The following CCDC146 variants were observed in gnomAD, a reference collection of about 807,000 sequenced individuals.
CCDC146 encodes coiled-coil domain-containing protein 146.
In CCDC146, 92 loss-of-function variants were observed where a neutral mutation model predicts 119.3. The observed-to-expected ratio is 0.77, with a 90% CI of 0.65 to 0.92. CCDC146 has a LOEUF of 0.92. Among genes scored for constraint, CCDC146 ranks in the 40% least tolerant of loss-of-function variants. CCDC146 has a pLI of 0.00. For missense variants in CCDC146, 1,000 were observed against 1,103.0 expected (o/e 0.91, Z 1.32); for synonymous variants, 372 against 371.8 (o/e 1.00, Z -0.01).
intron 2 of CCDC146, among the ~76,000 whole-genome samples, chr7:77,171,303 A>G (rs948457537): frequency 6.6e-6 from 1 of 152,170 alleles, no homozygotes; most frequent in African/African-American, 2.4e-5. Flanking sequence ...TCATCCTGCT[A>G]ATCCCAAACC....
chr7:77,219,872 G>T (rs1792369287), intron 2 of CCDC146, among the ~76,000 whole-genome samples: 2 of 152,128 alleles, frequency 1.3e-5, no homozygotes, highest in South Asian at 4.1e-4. Flanking sequence ...TGCTTCAAAG[G>T]TAATAAAATA....
chr7:77,157,014 G>A (rs1791188539), intron 1 of CCDC146, among the ~76,000 whole-genome samples: 2 of 134,648 alleles, frequency 1.5e-5, no homozygotes, highest in Non-Finnish European at 3.1e-5. Context: ...TAACATGTTA[G>A]GAAACTAAAA....
At chr7:77,256,084 AAAAT>A (rs1793172754) in intron 5 of CCDC146, among the ~76,000 whole-genome samples, 1 of 147,102 alleles carries the variant, frequency 6.8e-6, no homozygotes, top group Non-Finnish European at 1.5e-5. Flanking sequence ...GAGCACTAAT[AAAAT>A]AATTCAAATA....
intron 2 of CCDC146, among the ~76,000 whole-genome samples, chr7:77,201,650 A>G (rs1791991490): frequency 6.6e-6 from 1 of 152,078 alleles, no homozygotes; most frequent in Non-Finnish European, 1.5e-5. Context: ...TCCCAAATAA[A>G]TTTGTCAAAC....
chr7:77,236,575 G>A (rs1177612894), intron 2 of CCDC146, among the ~76,000 whole-genome samples: 2 of 152,086 alleles, frequency 1.3e-5, no homozygotes, highest in Non-Finnish European at 2.9e-5. Context: ...TCTAATAGCT[G>A]TTCAATAACC....
intron 2 of CCDC146, among the ~76,000 whole-genome samples, chr7:77,212,233 TTAA>T (rs1316717343): frequency 2.0e-5 from 3 of 152,130 alleles, no homozygotes; most frequent in Non-Finnish European, 2.9e-5. Context: ...GGTTTCCTAT[TTAA>T]TAATAAGTTC....
At chr7:77,273,397 G>A (rs1044718066) in intron 9 of CCDC146, among the ~76,000 whole-genome samples, 3 of 152,156 alleles carry the variant, frequency 2.0e-5, no homozygotes, top group Admixed American at 2.0e-4. Flanking sequence ...AATTTGCCAT[G>A]GCTTATAAAG....
At chr7:77,150,454 A>G (rs1428797042) in intron 1 of CCDC146, among the ~76,000 whole-genome samples, 4 of 152,216 alleles carry the variant, frequency 2.6e-5, no homozygotes, top group African/African-American at 9.7e-5. Flanking sequence ...AGTGTATGAA[A>G]AGATATTCAA....
At chr7:77,292,747 T>C (rs1273388899) in intron 17 of CCDC146, among the ~76,000 whole-genome samples, 1 of 152,166 alleles carries the variant, frequency 6.6e-6, no homozygotes, top group Non-Finnish European at 1.5e-5. Context: ...CTTTTCTTGT[T>C]CTCTCCTTGT....
At chr7:77,209,940 C>G (rs1448521640) in intron 2 of CCDC146, among the ~76,000 whole-genome samples, 1 of 152,236 alleles carries the variant, frequency 6.6e-6, no homozygotes, top group African/African-American at 2.4e-5. Flanking sequence ...GCCTGGCCCA[C>G]AAAACCATTT....
intron 2 of CCDC146, among the ~76,000 whole-genome samples, chr7:77,181,086 TCA>T (rs1383220498): frequency 6.6e-6 from 1 of 152,194 alleles, no homozygotes; most frequent in Non-Finnish European, 1.5e-5. Context: ...AGTTTATTAC[TCA>T]CAGTTCCTGA....
intron 1 of CCDC146, among the ~76,000 whole-genome samples, chr7:77,158,761 G>A (rs1376792334): frequency 2.6e-5 from 4 of 151,974 alleles, no homozygotes; most frequent in South Asian, 4.2e-4. Flanking sequence ...CTCGTGATCC[G>A]CCCACCTCCA....
intron 8 of CCDC146, among the ~76,000 whole-genome samples, chr7:77,260,960 A>G (rs1195458009): frequency 6.6e-6 from 1 of 151,572 alleles, no homozygotes; most frequent in Admixed American, 6.6e-5. Flanking sequence ...TTTCAAGGAA[A>G]CTGGAGGCTT....
chr7:77,267,852 C>CA (rs1364110561), intron 9 of CCDC146, among the ~76,000 whole-genome samples: 3 of 152,280 alleles, frequency 2.0e-5, no homozygotes, highest in East Asian at 3.9e-4. Flanking sequence ...TATTAAAACA[C>CA]ATTTGATGGC....
chr7:77,146,099 C>T (rs1251786791), intron 1 of CCDC146, among the ~76,000 whole-genome samples: 1 of 151,930 alleles, frequency 6.6e-6, no homozygotes, highest in Non-Finnish European at 1.5e-5. Context: ...AATCTGGGTG[C>T]TCTTGTATTG....
intron 2 of CCDC146, among the ~76,000 whole-genome samples, chr7:77,197,673 C>T (rs1791900782): frequency 6.6e-6 from 1 of 152,174 alleles, no homozygotes; most frequent in Non-Finnish European, 1.5e-5. Flanking sequence ...AATCCTAATG[C>T]ATAGGATTGA....
chr7:77,262,182 C>A lies in CCDC146; in HGVS notation c.1048C>A (p.Leu350Ile), dbSNP rs1323347512. The change falls in exon 9 of 19, where the codon CTT (leucine) becomes ATT (isoleucine). Residue 350 changes from leucine (L) to isoleucine (I), a missense_variant. Physicochemically the swap from Leu to Ile is conservative, Grantham distance 5. Coordinates refer to ENST00000285871, the MANE Select transcript of CCDC146 (RefSeq NM_020879.3). ...TGACAAGCAGAACTACCATGATGAA[C>A]TTTCTCGTAAGCAAAGAGAGAAAGA... ...LIDKQNYHDE[L>I]SRKQREKERD... The A allele has an allele frequency of 1.2e-6, 2 of 1,613,732 alleles. No individual in the cohort carries two copies. The highest frequency in any genetic ancestry group is 1.7e-5 in the Admixed American group (1 of 59,944).
At chr7:77,274,059 G>A (rs1408573288) in intron 10 of CCDC146, among the ~76,000 whole-genome samples, 3 of 152,130 alleles carry the variant, frequency 2.0e-5, no homozygotes, top group Admixed American at 2.0e-4. Context: ...AACCACAGAT[G>A]TTTTATTTCA....
At chr7:77,188,742 T>A (rs1791711227) in intron 2 of CCDC146, among the ~76,000 whole-genome samples, 1 of 152,126 alleles carries the variant, frequency 6.6e-6, no homozygotes. Context: ...TTTTAAGATA[T>A]CCAGTAACTC....
Sources: allele counts gnomAD v4.1 joint callset (sites outside exome capture counted in the v4.1 genomes callset), GRCh38; gene constraint gnomAD v4.1.1; transcripts MANE v1.5; gene names NCBI Gene and HGNC (gene_info 2026-07-23, HGNC 2026-07-21).